PPM1L: variants seen among roughly 807,000 people sequenced by gnomAD.
PPM1L encodes the protein protein phosphatase, Mg2+/Mn2+ dependent 1L.
In PPM1L, 13 loss-of-function variants were observed where a neutral mutation model predicts 31.4. The ratio of observed to expected loss-of-function variants is 0.41; its 90% confidence interval spans 0.27 to 0.66. The LOEUF (loss-of-function observed/expected upper bound fraction) is 0.66, where lower values mean the gene tolerates loss of function less well. PPM1L is among the 30% of genes least tolerant of loss of function. The pLI, the probability that PPM1L is intolerant of heterozygous loss-of-function variation, is 0.29. For missense variants in PPM1L, 326 were observed against 453.7 expected, an observed-to-expected ratio of 0.72 and a Z score of 2.56; for synonymous variants, 184 against 175.4, an observed-to-expected ratio of 1.05 and a Z score of -0.39.
At position 161,050,420 on chromosome 3, in the gene PPM1L, T is replaced by C. The variant is rs75373576; in HGVS notation, c.575-14983T>C. The stretch of plus-strand genomic sequence containing the variant: ...AAGTAATTTCTATAAATGAGTCATA[T>C]TGTATCTAGGAAATTAGGAAAATTT... On this transcript the variant is annotated intron_variant, in intron 2 of 3. Coordinates refer to ENST00000498165, the MANE Select transcript of PPM1L (RefSeq NM_139245.4). Among the ~76,000 whole-genome samples, 1,403 of 152,328 alleles carry C rather than the reference T, an allele frequency of 9.2e-3. 68 individuals carry two copies. The highest frequency in any genetic ancestry group is 0.069 in the Admixed American group (1,056 of 15,298).
At chr3:160,974,453 T>G (rs1716489986) in intron 2 of PPM1L, among the ~76,000 whole-genome samples, 1 of 150,912 alleles carries the variant, frequency 6.6e-6, no homozygotes, top group South Asian at 2.1e-4. Flanking sequence ...CCACACTGAC[T>G]TCCACAATGG....
chr3:161,069,807 T>G lies in PPM1L; in HGVS notation c.*650T>G, dbSNP rs933870929. On this transcript the variant is annotated 3_prime_UTR_variant, in exon 4 of 4. Transcript: ENST00000498165. ...AGCAGAGATAACCCTCTTCCCTTGCTTCCTTTAATAGTTAAATAGACTTTG... is the reference window on the plus strand; with the variant it reads ...AGCAGAGATAACCCTCTTCCCTTGCGTCCTTTAATAGTTAAATAGACTTTG... 2 of 152,642 alleles carry G rather than the reference T, an allele frequency of 1.3e-5. No individual in the cohort carries two copies. Among genetic ancestry groups the G allele is most frequent in the African/African-American group, 4.8e-5 (2 of 41,476 alleles). The allele number at this position is 152,642 out of a possible 1,614,324, so 9.5% of individuals were successfully genotyped here.
chr3:160,920,664 CACAT>C (rs869080083), intron 1 of PPM1L, among the ~76,000 whole-genome samples: 14,711 of 138,936 alleles, frequency 0.11, 1,018 homozygotes, highest in Non-Finnish European at 0.15. Flanking sequence ...CACACACACA[CACAT>C]ATTAAAGATC....
intron 1 of PPM1L, among the ~76,000 whole-genome samples, chr3:160,857,000 A>C (rs1448699691): frequency 6.6e-6 from 1 of 152,194 alleles, no homozygotes; most frequent in East Asian, 1.9e-4. Flanking sequence ...GTATATTTTG[A>C]TGTTTGATTC....
chr3:160,834,216 G>A (rs1009053419), intron 1 of PPM1L, among the ~76,000 whole-genome samples: 12 of 151,764 alleles, frequency 7.9e-5, no homozygotes, highest in African/African-American at 2.7e-4. Flanking sequence ...GTAGAGATGG[G>A]GTTTCACTGT....
rs1007251129 is a variant in PPM1L, at chr3:161,074,246, C to T, written c.*5089C>T. 6.6e-6 allele frequency: 1 copy of T among 152,218 alleles called. No individual in the cohort carries two copies. The highest frequency in any genetic ancestry group is 2.4e-5 in the African/African-American group (1 of 41,462). 9.4% of individuals were successfully genotyped at this position (152,218 alleles called of 1,614,324 possible). ...AAAACTCCTGTCCCATATCATCCCA[C>T]CTTTCATGTTTTATGTACATAGTTA... On this transcript the variant is annotated 3_prime_UTR_variant, in exon 4 of 4. Transcript: ENST00000498165.
At chr3:160,987,249 G>T (rs936316500) in intron 2 of PPM1L, among the ~76,000 whole-genome samples, 1 of 152,158 alleles carries the variant, frequency 6.6e-6, no homozygotes. Flanking sequence ...TAGACTCTAT[G>T]TTGTATCATA....
At chr3:160,799,052 A>T (rs1440785746) in intron 1 of PPM1L, among the ~76,000 whole-genome samples, 1 of 152,206 alleles carries the variant, frequency 6.6e-6, no homozygotes, top group African/African-American at 2.4e-5. Flanking sequence ...TAATATTATG[A>T]TCAAACTTTA....
At chr3:160,858,173 T>C (rs1239270486) in intron 1 of PPM1L, among the ~76,000 whole-genome samples, 1 of 152,232 alleles carries the variant, frequency 6.6e-6, no homozygotes, top group African/African-American at 2.4e-5. Flanking sequence ...TTTTATGTAT[T>C]TATGAAAGTA....
intron 1 of PPM1L, among the ~76,000 whole-genome samples, chr3:160,780,402 T>G (rs1711701782): frequency 6.6e-6 from 1 of 152,178 alleles, no homozygotes; most frequent in Admixed American, 6.5e-5. Context: ...AAAAGGGAAG[T>G]GGTCATTCTT....
chr3:160,778,882 C>A (rs1213867537), intron 1 of PPM1L, among the ~76,000 whole-genome samples: 1 of 152,098 alleles, frequency 6.6e-6, no homozygotes, highest in Non-Finnish European at 1.5e-5. Context: ...CAAACTCATT[C>A]TAAGTGCTTG....
In PPM1L at chr3:160,854,425, G is replaced by T. The variant is rs563312047; in HGVS notation, c.399+97718G>T. 2.0e-5 allele frequency among the ~76,000 whole-genome samples: 3 copies of T among 152,290 alleles called. No individual in the cohort carries two copies. The East Asian group carries it at 5.8e-4, about 29-fold the overall frequency. ...GGGTGCCACAAAGGGCATGAGTAGG[G>T]AACAGTGAAGGATAAGGGTGAAACC... On this transcript the variant is annotated intron_variant, in intron 1 of 3. Transcript: ENST00000498165.
chr3:161,049,379 C>T (rs1415829326), intron 2 of PPM1L, among the ~76,000 whole-genome samples: 2 of 152,078 alleles, frequency 1.3e-5, no homozygotes, highest in Non-Finnish European at 2.9e-5. Context: ...AATGCTCATT[C>T]GAGCATTTTG....
At chr3:160,945,113 T>TTATCTATC (rs58013795) in intron 1 of PPM1L, among the ~76,000 whole-genome samples, 13 of 56,258 alleles carry the variant, frequency 2.3e-4, no homozygotes, top group African/African-American at 5.5e-4. Flanking sequence ...AACATATATG[T>TTATCTATC]TATCTATCTA....
At chr3:160,770,732 T>C (rs959587858) in intron 1 of PPM1L, among the ~76,000 whole-genome samples, 1 of 152,240 alleles carries the variant, frequency 6.6e-6, no homozygotes, top group African/African-American at 2.4e-5. Context: ...TCAGGAATCC[T>C]GCCCTCTGGT....
At chr3:160,956,526 A>G (rs1490926807) in intron 1 of PPM1L, among the ~76,000 whole-genome samples, 2 of 152,262 alleles carry the variant, frequency 1.3e-5, no homozygotes, top group Non-Finnish European at 2.9e-5. Context: ...ATTGCACGTG[A>G]TTCCTCAAAG....
Position 160,861,107 on chromosome 3 carries a change from C to T in PPM1L, c.400-100629C>T, listed in dbSNP as rs138803052. On this transcript the variant is annotated intron_variant, in intron 1 of 3. Coordinates refer to ENST00000498165, the MANE Select transcript of PPM1L (RefSeq NM_139245.4). ...TTGAAAGGTTCAAAGTGGAAGGTCACGTAGTGTATCATCAGTGGCGCAGCT... is the reference window on the plus strand; with the variant it reads ...TTGAAAGGTTCAAAGTGGAAGGTCATGTAGTGTATCATCAGTGGCGCAGCT... Among the ~76,000 whole-genome samples, 115 of 152,238 alleles carry T rather than the reference C, an allele frequency of 7.6e-4. No homozygotes were observed. The Middle Eastern group carries it at 0.01, about 14-fold the overall frequency.
rs143018417 is a variant in PPM1L, at chr3:161,037,963, G to A, written c.575-27440G>A. Among the ~76,000 whole-genome samples, 274 of 152,162 alleles carry A rather than the reference G, an allele frequency of 1.8e-3. 1 individual carries two copies. Among genetic ancestry groups the A allele is most frequent in the Middle Eastern group, 6.8e-3 (2 of 294 alleles). Reference sequence around the variant, plus strand: ...AAATGTATGACAGTGGCCGGGCGCGGTGGCTCACGCCTGTAATCCCAGCAC... The same window carrying A: ...AAATGTATGACAGTGGCCGGGCGCGATGGCTCACGCCTGTAATCCCAGCAC... On this transcript the variant is annotated intron_variant, in intron 2 of 3. Coordinates refer to ENST00000498165, the MANE Select transcript of PPM1L (RefSeq NM_139245.4).
At chr3:160,945,430 G>A (rs1199466295) in intron 1 of PPM1L, among the ~76,000 whole-genome samples, 1 of 152,070 alleles carries the variant, frequency 6.6e-6, no homozygotes, top group African/African-American at 2.4e-5. Flanking sequence ...CTCATCTCAT[G>A]TGCTAACTTT....
Sources: gnomAD v4.1 joint callset for allele counts (sites outside exome capture counted in the v4.1 genomes callset) on GRCh38, gnomAD v4.1.1 for gene constraint, MANE v1.5 for transcripts, NCBI Gene and HGNC (gene_info 2026-07-23, HGNC 2026-07-21) for gene names.